The following TMEM150C variants were observed in gnomAD, a reference collection of about 807,000 sequenced individuals.
TMEM150C encodes the protein transmembrane protein 150C, also known as tentonin 3.
In TMEM150C, 10 loss-of-function variants were observed where a neutral mutation model predicts 29.9. The ratio of observed to expected loss-of-function variants is 0.33; its 90% CI spans 0.21 to 0.57. The LOEUF (loss-of-function observed/expected upper bound fraction) is 0.57, where lower values mean the gene tolerates loss of function less well. Among genes scored for constraint, TMEM150C ranks in the 20% least tolerant of loss-of-function variants. The probability of loss-of-function intolerance (pLI) is 0.88; values close to 1 mark genes in which losing one functional copy is unlikely to be tolerated. For missense variants in TMEM150C, 251 were observed against 303.6 expected, an observed-to-expected ratio of 0.83 and a Z score of 1.29; for synonymous variants, 101 against 112.5, an observed-to-expected ratio of 0.90 and a Z score of 0.64.
At chr4:82,533,303 A>T (rs1023848558) in intron 1 of TMEM150C, among the ~76,000 whole-genome samples, 3 of 151,952 alleles carry the variant, frequency 2.0e-5, no homozygotes, top group Admixed American at 2.0e-4. Flanking sequence ...TAACAGTTGC[A>T]AACTTTTAGA....
At chr4:82,559,332 G>A (rs1725842164) in intron 1 of TMEM150C, among the ~76,000 whole-genome samples, 2 of 151,454 alleles carry the variant, frequency 1.3e-5, no homozygotes, top group Non-Finnish European at 2.9e-5. Context: ...CTCAATTGAG[G>A]TCAAGAATTC....
chr4:82,489,446 A>G lies in TMEM150C; in HGVS notation c.541+615T>C, dbSNP rs1396894971. 3.9e-5 allele frequency among the ~76,000 whole-genome samples: 6 copies of G among 152,246 alleles called. No individual in the cohort carries two copies. The East Asian group carries it at 9.7e-4, about 25-fold the overall frequency. On this transcript the variant is annotated intron_variant, in intron 7 of 7. Transcript: ENST00000449862. ...TTTTCCTTTCCAGGTTTACTAGGAT[A>G]AAGGCTGATTTCTTCATCCCCACCT...
chr4:82,507,376 A>G (rs1355515636), intron 1 of TMEM150C, among the ~76,000 whole-genome samples: 1 of 152,190 alleles, frequency 6.6e-6, no homozygotes, highest in Non-Finnish European at 1.5e-5. Context: ...TAGAGTGAAG[A>G]GGGTTAACAA....
At chr4:82,507,710 A>ACT (rs1215011397) in intron 1 of TMEM150C, among the ~76,000 whole-genome samples, 2,031 of 96,478 alleles carry the variant, frequency 0.021, 20 homozygotes, top group Middle Eastern at 0.035. Context: ...TATTAAATTA[A>ACT]CTCTCTCTCT....
At chr4:82,510,058 C>T (rs761783352) in intron 1 of TMEM150C, among the ~76,000 whole-genome samples, 3 of 151,692 alleles carry the variant, frequency 2.0e-5, no homozygotes, top group Non-Finnish European at 4.4e-5. Context: ...TTTATTAGGG[C>T]CGTGAGGTCA....
chr4:82,513,876 C>G (rs1484776784), intron 1 of TMEM150C, among the ~76,000 whole-genome samples: 1 of 152,196 alleles, frequency 6.6e-6, no homozygotes, highest in African/African-American at 2.4e-5. Flanking sequence ...TAGCCCAAGT[C>G]TTGGAAAGAA....
chr4:82,492,541 T>A (rs1481049549), intron 6 of TMEM150C, among the ~76,000 whole-genome samples: 1 of 152,064 alleles, frequency 6.6e-6, no homozygotes, highest in African/African-American at 2.4e-5. Context: ...CAACAGTACT[T>A]GAAGATTCAT....
At chr4:82,489,245 T>C (rs1043546314) in intron 7 of TMEM150C, among the ~76,000 whole-genome samples, 2 of 152,016 alleles carry the variant, frequency 1.3e-5, no homozygotes, top group South Asian at 2.1e-4. Flanking sequence ...CAGGCTTCTA[T>C]TGGGCCACAC....
At chr4:82,520,548 G>A (rs1463724929) in intron 1 of TMEM150C, among the ~76,000 whole-genome samples, 1 of 152,200 alleles carries the variant, frequency 6.6e-6, no homozygotes, top group Non-Finnish European at 1.5e-5. Flanking sequence ...TGCTACAGCA[G>A]CCAGGGAAAT....
At chr4:82,538,894 A>G (rs1725106838) in intron 1 of TMEM150C, among the ~76,000 whole-genome samples, 1 of 151,968 alleles carries the variant, frequency 6.6e-6, no homozygotes, top group African/African-American at 2.4e-5. Context: ...AACCTTAACT[A>G]TACCAAAAAT....
intron 1 of TMEM150C, among the ~76,000 whole-genome samples, chr4:82,548,500 C>T (rs1725457967): frequency 6.6e-6 from 1 of 152,142 alleles, no homozygotes; most frequent in African/African-American, 2.4e-5. Flanking sequence ...GGCAAGTCTA[C>T]CATCTCCTTT....
chr4:82,523,743 T>C (rs941752466), intron 1 of TMEM150C, among the ~76,000 whole-genome samples: 1 of 151,950 alleles, frequency 6.6e-6, no homozygotes, highest in Non-Finnish European at 1.5e-5. Context: ...AGTGACGTGA[T>C]CTCAGCTCAC....
chr4:82,501,501 G>A (rs551815100), intron 5 of TMEM150C, among the ~76,000 whole-genome samples: 1 of 152,306 alleles, frequency 6.6e-6, no homozygotes, highest in African/African-American at 2.4e-5. Flanking sequence ...GATACGCTTT[G>A]GGGATGGCTG....
At chr4:82,503,583 G>A (rs569513918) in intron 2 of TMEM150C, among the ~76,000 whole-genome samples, 1 of 152,324 alleles carries the variant, frequency 6.6e-6, no homozygotes, top group Non-Finnish European at 1.5e-5. Context: ...GGGCGCAGTG[G>A]CTCACGCCTG....
intron 1 of TMEM150C, among the ~76,000 whole-genome samples, chr4:82,525,294 T>C (rs1281304852): frequency 6.6e-6 from 1 of 152,228 alleles, no homozygotes; most frequent in Non-Finnish European, 1.5e-5. Flanking sequence ...GTAGATTTTG[T>C]TATAAAAGAC....
rs1723123639 is a variant in TMEM150C, at chr4:82,485,323, A to G, written c.*188T>C. ...TCAGTGTAACAGCGTGTATTTCGAC[A>G]CATAAGGGCTTGTGCTTTTTCATTA... On this transcript the variant is annotated 3_prime_UTR_variant, in exon 8 of 8. Transcript: ENST00000449862. 2 of 590,756 alleles carry G rather than the reference A, an allele frequency of 3.4e-6. No homozygotes were observed. Among genetic ancestry groups the G allele is most frequent in the Admixed American group, 5.9e-5 (2 of 33,730 alleles). The allele number at this position is 590,756 out of a possible 1,614,324, so 36.6% of individuals were successfully genotyped here.
chr4:82,496,246 G>C, intron 5 of TMEM150C, 51 bp from the exon 6 acceptor site: 1 of 1,526,866 alleles, frequency 6.5e-7, no homozygotes, highest in Non-Finnish European at 9.0e-7. Flanking sequence ...CACACACCTA[G>C]ACTGTGAGGC....
intron 1 of TMEM150C, among the ~76,000 whole-genome samples, chr4:82,540,706 T>C (rs1029238580): frequency 3.9e-5 from 6 of 152,304 alleles, no homozygotes. Flanking sequence ...TATTTTTTAA[T>C]TGACAAATAA....
intron 1 of TMEM150C, among the ~76,000 whole-genome samples, chr4:82,545,354 T>C (rs1725340926): frequency 6.6e-6 from 1 of 152,148 alleles, no homozygotes; most frequent in African/African-American, 2.4e-5. Flanking sequence ...CATTCTTTCA[T>C]GATAAAAATA....
Sources: gnomAD v4.1 joint callset for allele counts (sites outside exome capture counted in the v4.1 genomes callset) on GRCh38, gnomAD v4.1.1 for gene constraint, MANE v1.5 for transcripts, NCBI Gene and HGNC (gene_info 2026-07-23, HGNC 2026-07-21) for gene names.